The following MGAT5 variants were observed in gnomAD, a reference collection of about 807,000 sequenced individuals.
MGAT5 encodes alpha-1,6-mannosylglycoprotein 6-beta-N-acetylglucosaminyltransferase A.
Under a neutral mutation model 94.3 loss-of-function variants are expected in MGAT5, and 30 were observed. The ratio of observed to expected loss-of-function variants is 0.32; its 90% CI spans 0.24 to 0.43. MGAT5 has a LOEUF of 0.43. Ranked by LOEUF, MGAT5 falls within the 20% of genes least tolerant of loss-of-function variation. The probability of loss-of-function intolerance (pLI) is 1.00; values close to 1 mark genes in which losing one functional copy is unlikely to be tolerated. For missense variants in MGAT5, 691 were observed against 905.5 expected (o/e 0.76, Z 3.04); for synonymous variants, 310 against 322.9 (o/e 0.96, Z 0.43).
At chr2:134,426,711 TTAAAA>T (rs1400161149) in intron 13 of MGAT5, among the ~76,000 whole-genome samples, 1 of 149,358 alleles carries the variant, frequency 6.7e-6, no homozygotes, top group African/African-American at 2.5e-5. Flanking sequence ...TAAACATCCT[TTAAAA>T]GAAAAGAAAA....
chr2:134,367,546 C>G (rs1048121446), intron 10 of MGAT5, among the ~76,000 whole-genome samples: 2 of 152,240 alleles, frequency 1.3e-5, no homozygotes, highest in Non-Finnish European at 2.9e-5. Flanking sequence ...CCTTAAAATA[C>G]TTACTCTCTG....
intron 1 of MGAT5, among the ~76,000 whole-genome samples, chr2:134,216,238 T>G (rs1680489721): frequency 1.3e-5 from 2 of 152,210 alleles, no homozygotes; most frequent in African/African-American, 4.8e-5. Context: ...CAGAATTTAT[T>G]AGTATTAAAC....
At position 134,189,602 on chromosome 2, in the gene MGAT5, G is replaced by GTTTTTTTTTTTTTTGTTTTT. The variant is rs1689243626; in HGVS notation, c.-142-64646_-142-64645insGTTTTTTTTTTTTTTTTTTT. On this transcript the variant is annotated intron_variant, in intron 1 of 16. Transcript: ENST00000409645. ...AACCTCATGGCTCTAGTTTTTTTTT[G>GTTTTTTTTTTTTTTGTTTTT]TTTTTTTTTTTTTTTTTTAAGACAG... 2.4e-5 allele frequency among the ~76,000 whole-genome samples: 2 copies of GTTTTTTTTTTTTTTGTTTTT among 84,672 alleles called. 1 individual carries two copies. Among genetic ancestry groups the GTTTTTTTTTTTTTTGTTTTT allele is most frequent in the African/African-American group, 9.5e-5 (2 of 20,984 alleles). 55.5% of individuals were successfully genotyped at this position (84,672 alleles called of 152,430 possible). A position where few individuals can be genotyped will look rare whatever the true frequency, so the allele number is the denominator to read the frequency against.
chr2:134,243,676 C>T lies in MGAT5; in HGVS notation c.-142-10586C>T, dbSNP rs541208194. On this transcript the variant is annotated intron_variant, in intron 1 of 16. Coordinates refer to the MGAT5 transcript ENST00000409645. ...GTTAAGTTGGATAAGCCTGAGTGGT[C>T]ACTTCAGATTGTGCATGTGTGTGCA... Among the ~76,000 whole-genome samples the T allele has an allele frequency of 2.6e-5, 4 of 152,128 alleles. No individual in the cohort carries two copies. In the East Asian group the frequency reaches 7.7e-4, roughly 29 times the overall value.
chr2:134,163,792 C>A (rs1374733803), intron 1 of MGAT5, among the ~76,000 whole-genome samples: 1 of 152,196 alleles, frequency 6.6e-6, no homozygotes, highest in Non-Finnish European at 1.5e-5. Flanking sequence ...ACCTGTATAG[C>A]AGTTTGAGTC....
chr2:134,301,337 A>G (rs1046548121), intron 2 of MGAT5, among the ~76,000 whole-genome samples: 18 of 152,150 alleles, frequency 1.2e-4, no homozygotes, highest in Non-Finnish European at 1.5e-5. Context: ...CTAGAGACAC[A>G]TGAGCCTGTC....
intron 1 of MGAT5, among the ~76,000 whole-genome samples, chr2:134,137,133 C>A (rs1352885877): frequency 6.6e-6 from 1 of 152,200 alleles, no homozygotes; most frequent in Non-Finnish European, 1.5e-5. Context: ...TACACATTAA[C>A]CCCCTGTTTT....
chr2:134,145,969 CTG>C (rs1686899042), intron 1 of MGAT5, among the ~76,000 whole-genome samples: 1 of 152,168 alleles, frequency 6.6e-6, no homozygotes, highest in Non-Finnish European at 1.5e-5. Context: ...TACTGTTAGA[CTG>C]TTTTTTAAGG....
At chr2:134,348,998 G>A (rs1366987672) in intron 8 of MGAT5, among the ~76,000 whole-genome samples, 1 of 152,132 alleles carries the variant, frequency 6.6e-6, no homozygotes, top group Non-Finnish European at 1.5e-5. Flanking sequence ...CAGCCATAGA[G>A]AATAGGTCAA....
chr2:134,142,898 G>T (rs959239148), intron 1 of MGAT5, among the ~76,000 whole-genome samples: 1 of 152,088 alleles, frequency 6.6e-6, no homozygotes, highest in Non-Finnish European at 1.5e-5. Flanking sequence ...AGGATTACAT[G>T]TGTGAACCAC....
At chr2:134,228,615 G>A (rs997757340) in intron 1 of MGAT5, among the ~76,000 whole-genome samples, 4 of 152,148 alleles carry the variant, frequency 2.6e-5, no homozygotes, top group Non-Finnish European at 5.9e-5. Context: ...AGAGGGCGCT[G>A]GAGAAACATT....
At chr2:134,376,816 A>G (rs1397227206) in intron 10 of MGAT5, among the ~76,000 whole-genome samples, 2 of 152,168 alleles carry the variant, frequency 1.3e-5, no homozygotes, top group Non-Finnish European at 2.9e-5. Flanking sequence ...CCGTGATCCA[A>G]GGATAGGCCC....
At chr2:134,250,127 G>A (rs895490079), upstream of MGAT5, among the ~76,000 whole-genome samples, 11 of 152,160 alleles carry the variant, frequency 7.2e-5, no homozygotes, top group South Asian at 2.1e-4. Flanking sequence ...GTGTTGAGGC[G>A]TCAGTGGGAA....
intron 1 of MGAT5, among the ~76,000 whole-genome samples, chr2:134,139,990 A>G (rs1054057459): frequency 1.6e-4 from 24 of 152,202 alleles, no homozygotes; most frequent in African/African-American, 5.5e-4. Flanking sequence ...CACCTGTAAA[A>G]GCATGAATCC....
In MGAT5 at chr2:134,289,344, G is replaced by A. The variant is rs144944601; in HGVS notation, c.406+18794G>A. On this transcript the variant is annotated intron_variant, in intron 2 of 15. Coordinates refer to ENST00000281923, the MANE Select transcript of MGAT5 (RefSeq NM_002410.5). Reference sequence around the variant, plus strand: ...CCAGGGTGCCGATCTCTCTTCTGTGGCCCTTCCTAAGTCCTTGCCAATACT... The same window carrying A: ...CCAGGGTGCCGATCTCTCTTCTGTGACCCTTCCTAAGTCCTTGCCAATACT... Among the ~76,000 whole-genome samples, 3 of 152,230 alleles carry A rather than the reference G, an allele frequency of 2.0e-5. No individual in the cohort carries two copies. In the East Asian group the frequency reaches 5.8e-4, roughly 29 times the overall value.
At chr2:134,283,791 C>CT (rs1489967508) in intron 2 of MGAT5, among the ~76,000 whole-genome samples, 1 of 151,240 alleles carries the variant, frequency 6.6e-6, no homozygotes, top group Non-Finnish European at 1.5e-5. Context: ...AAGCTGGGTC[C>CT]TGTTCTTAAC....
upstream of MGAT5, among the ~76,000 whole-genome samples, chr2:134,251,738 C>G (rs780622031): frequency 6.6e-6 from 1 of 152,128 alleles, no homozygotes; most frequent in Non-Finnish European, 1.5e-5. Flanking sequence ...GCACATCACC[C>G]CCAAATAATT....
chr2:134,341,852 T>A, intron 7 of MGAT5, 93 bp downstream of exon 7: 1 of 1,132,138 alleles, frequency 8.8e-7, no homozygotes, highest in Non-Finnish European at 1.2e-6. Context: ...TAATTTTTTG[T>A]CGAGGAAAAT....
At chr2:134,143,092 T>C (rs900450997) in intron 1 of MGAT5, among the ~76,000 whole-genome samples, 1 of 152,038 alleles carries the variant, frequency 6.6e-6, no homozygotes, top group African/African-American at 2.4e-5. Context: ...GTTTCTGAAT[T>C]GGAATGGTAG....
Sources: gnomAD v4.1 joint callset for allele counts (sites outside exome capture counted in the v4.1 genomes callset) on GRCh38, gnomAD v4.1.1 for gene constraint, MANE v1.5 for transcripts, NCBI Gene and HGNC (gene_info 2026-07-23, HGNC 2026-07-21) for gene names.